Variants in DDX27 observed in about 807,000 individuals in gnomAD.
The protein encoded by DDX27 is DEAD-box helicase 27.
A neutral mutation model predicts 99.3 loss-of-function variants in DDX27; 42 were observed. The ratio of observed to expected loss-of-function variants is 0.42; its 90% CI spans 0.33 to 0.55. The LOEUF (loss-of-function observed/expected upper bound fraction) is 0.55. Ranked by LOEUF, DDX27 falls within the 20% of genes least tolerant of loss-of-function variation. DDX27 has a pLI of 0.07. For missense variants in DDX27, 798 were observed against 976.8 expected (o/e 0.82, Z 2.44); for synonymous variants, 329 against 353.8 (o/e 0.93, Z 0.79).
rs140726964 is a variant in DDX27, at chr20:49,234,020, G to A, written c.1273+311G>A. ...GATCGTTGCGCAGCCTCTTGCTCGA[G>A]CTCCCTGCTTCCACTCGGCCTTTTG... On this transcript the variant is annotated intron_variant, in intron 11 of 20. Coordinates refer to ENST00000618172, the MANE Select transcript of DDX27 (RefSeq NM_017895.8). The A allele has an allele frequency of 2.6e-5, 8 of 306,528 alleles. No homozygotes were observed. In the East Asian group the frequency reaches 3.7e-4, roughly 14 times the overall value. 19.0% of individuals were successfully genotyped at this position (306,528 alleles called of 1,614,324 possible). A position where few individuals can be genotyped will look rare whatever the true frequency, so the allele number is the denominator to read the frequency against.
Position 49,236,217 on chromosome 20 carries a change from G to A in DDX27, c.1495G>A (p.Glu499Lys). ...TGTGGCAGCCCGTGGACTTGACATTGAGGGGGTCAAAACGGTGAGCAGACA... is the reference window on the plus strand; with the variant it reads ...TGTGGCAGCCCGTGGACTTGACATTAAGGGGGTCAAAACGGTGAGCAGACA... ...TDVAARGLDI[E>K]GVKTVINFTM... is the part of the protein sequence containing the mutation. The change falls in exon 13 of 21, where the codon GAG becomes AAG. Residue 499 changes from glutamate (E) to lysine (K), a missense_variant. Glu to Lys is a moderately conservative substitution (Grantham distance 56). This residue lies in a region of DDX27 where 553 missense variants were observed against 727.9 expected (regional missense o/e 0.76). Transcript: ENST00000618172. The surrounding 1 kb of genome is among the most constrained non-coding windows in gnomAD (Gnocchi z 4.1). The A allele has an allele frequency of 6.2e-7, 1 of 1,610,376 alleles. No individual in the cohort carries two copies. The highest frequency in any genetic ancestry group is 8.5e-7 in the Non-Finnish European group (1 of 1,178,344).
intron 9 of DDX27, among the ~76,000 whole-genome samples, chr20:49,232,009 C>T (rs1040750157): frequency 6.6e-6 from 1 of 151,892 alleles, no homozygotes; most frequent in African/African-American, 2.4e-5. Flanking sequence ...CTCAGTCCCC[C>T]GACGTAGCTA....
intron 4 of DDX27, among the ~76,000 whole-genome samples, chr20:49,224,311 C>G (rs1979796544): frequency 1.3e-5 from 2 of 151,826 alleles, no homozygotes; most frequent in South Asian, 4.1e-4. Flanking sequence ...TTTGGGGTGA[C>G]ATACTCAGAT....
At chr20:49,225,301 A>G (rs1200804055) in intron 6 of DDX27, 102 bp downstream of exon 6, 5 of 990,656 alleles carry the variant, frequency 5.0e-6, no homozygotes, top group East Asian at 4.8e-5. Flanking sequence ...TCTTGCCTCA[A>G]CCTCCCAGAG....
At chr20:49,223,134 T>TCTGTGTGTTTG in intron 3 of DDX27, 118 bp downstream of exon 3, 1 of 1,352,244 alleles carries the variant, frequency 7.4e-7, no homozygotes, top group South Asian at 1.3e-5. Context: ...GGCGCACTCT[T>TCTGTGTGTTTG]CTGTGTGTTT....
intron 4 of DDX27, 175 bp from the exon 5 acceptor site, chr20:49,224,770 C>T: frequency 3.0e-6 from 2 of 657,146 alleles, no homozygotes; most frequent in East Asian, 2.7e-5. Flanking sequence ...TCTCTCTGAC[C>T]TTAGGCAAGT....
rs776759294 is a variant in DDX27 at position 49,219,561 on chromosome 20, C to A, written c.93+20C>A. Reference sequence around the variant, plus strand: ...GAGGAGGTATGAGCACGGTTCTGGTCTTTGGGTTTCCTTGACTGCTTCCCT... The same window carrying A: ...GAGGAGGTATGAGCACGGTTCTGGTATTTGGGTTTCCTTGACTGCTTCCCT... On this transcript the variant is annotated intron_variant, in intron 1 of 20. Coordinates refer to ENST00000618172, the MANE Select transcript of DDX27 (RefSeq NM_017895.8). The A allele has an allele frequency of 3.2e-6, 5 of 1,587,120 alleles. No individual in the cohort carries two copies. In the South Asian group the frequency reaches 5.6e-5, roughly 18 times the overall value.
Position 49,235,084 on chromosome 20 carries a change from C to G in DDX27, c.1423C>G (p.Leu475Val). 6.2e-7 allele frequency: 1 copy of G among 1,602,520 alleles called. No homozygotes were observed. The highest frequency in any genetic ancestry group is 1.3e-5 in the African/African-American group (1 of 74,770). Residue 475 changes from leucine (L) to valine (V), a missense_variant, in exon 12 of 21, where the codon CTC becomes GTC. Physicochemically the swap from Leu to Val is conservative, Grantham distance 32. Transcript: ENST00000618172. The stretch of plus-strand genomic sequence containing the variant: ...GTCACAGACGCAGCGGCTGGAGGCC[C>G]TCCGGTAACATTTGGGGTGGGGACT... ...NLSQTQRLEA[L>V]RRFKDEQIDI... is the part of the protein sequence containing the mutation.
At position 49,236,220 on chromosome 20, in the gene DDX27, G is replaced by T. The variant is rs755227950; in HGVS notation, c.1498G>T (p.Gly500Trp). ...GGCAGCCCGTGGACTTGACATTGAG[G>T]GGGTCAAAACGGTGAGCAGACACTA... Reference protein sequence around the residue: ...DVAARGLDIEGVKTVINFTMP... With the variant: ...DVAARGLDIEWVKTVINFTMP... The change falls in exon 13 of 21, where the codon GGG becomes TGG. Residue 500 changes from glycine (G) to tryptophan (W), a missense_variant. Coordinates refer to ENST00000618172, the MANE Select transcript of DDX27 (RefSeq NM_017895.8). This position sits in a 1 kb window ranked among gnomAD's most constrained non-coding sequence, Gnocchi z 4.1. 1 of 1,609,478 alleles carries T rather than the reference G, an allele frequency of 6.2e-7. No homozygotes were observed. Among genetic ancestry groups the T allele is most frequent in the Admixed American group, 1.7e-5 (1 of 58,968 alleles).
At chr20:49,239,587 T>C (rs1980411263) in intron 16 of DDX27, among the ~76,000 whole-genome samples, 1 of 152,190 alleles carries the variant, frequency 6.6e-6, no homozygotes, top group Non-Finnish European at 1.5e-5. Context: ...GAGAATCTAA[T>C]GCTGCTGCTG....
rs757770676 is a variant in DDX27, at chr20:49,234,944, C to T, written c.1283C>T (p.Thr428Met). The part of the protein sequence containing the change: ...DREAIVAALL[T>M]RTFTDHVMLF... The stretch of plus-strand genomic sequence containing the variant: ...CCTCTCTTCCTGCCAGCTTTGTTGA[C>T]GAGGACCTTCACTGACCATGTGATG... Residue 428 changes from threonine (T) to methionine (M), a missense_variant, in exon 12 of 21, where the codon ACG (threonine) becomes ATG (methionine). Transcript: ENST00000618172. 1.5e-5 allele frequency: 24 copies of T among 1,596,064 alleles called. 1 individual carries two copies. Among genetic ancestry groups the T allele is most frequent in the Middle Eastern group, 1.7e-4 (1 of 5,998 alleles).
At chr20:49,223,205 G>C in intron 3 of DDX27, 63 bp from the exon 4 acceptor site, 1 of 1,538,268 alleles carries the variant, frequency 6.5e-7, no homozygotes. Flanking sequence ...GCTTCCTATC[G>C]CTCTACTTAG....
chr20:49,238,788 TTTG>T, intron 14 of DDX27, 158 bp from the exon 15 acceptor site: 43 of 253,248 alleles, frequency 1.7e-4, no homozygotes, highest in Middle Eastern at 1.1e-3. Flanking sequence ...TTTTTTTTTT[TTTG>T]TAGAGACAGA....
Position 49,223,031 on chromosome 20 carries a change from G to A in DDX27, c.300+15G>A, listed in dbSNP as rs187861096. 6.4e-5 allele frequency: 103 copies of A among 1,610,682 alleles called. 1 individual carries two copies. The highest frequency in any genetic ancestry group is 5.5e-4 in the Admixed American group (33 of 59,514). On this transcript the variant is annotated intron_variant, in intron 3 of 20. Coordinates refer to ENST00000618172, the MANE Select transcript of DDX27 (RefSeq NM_017895.8). ...GGAAAACAGAGGTGAGAAGAAAAGT[G>A]GCTATTTTTCGTTGTTAGGGCCCAC...
intron 9 of DDX27, among the ~76,000 whole-genome samples, chr20:49,232,178 T>G (rs761499): frequency 0.69 from 104,711 of 151,850 alleles, 36,910 homozygotes; most frequent in Non-Finnish European, 0.78. Flanking sequence ...TGAGCCACCT[T>G]GCCCGGCCCC....
rs376434815 is a variant in DDX27 at position 49,223,042 on chromosome 20, G to A, written c.300+26G>A. 2.9e-5 allele frequency: 46 copies of A among 1,601,500 alleles called. No individual in the cohort carries two copies. In the Admixed American group the frequency reaches 3.9e-4, roughly 14 times the overall value. On this transcript the variant is annotated intron_variant, in intron 3 of 20. Transcript: ENST00000618172. ...GTGAGAAGAAAAGTGGCTATTTTTC[G>A]TTGTTAGGGCCCACTCTTTACTCTC...
chr20:49,233,310 C>G lies in DDX27; in HGVS notation c.1036C>G (p.Leu346Val). 1 of 1,613,390 alleles carries G rather than the reference C, an allele frequency of 6.2e-7. No homozygotes were observed. ...VLILDEADRM[L>V]DEYFEEQMKE... Reference sequence around the variant, plus strand: ...CATGTCTTTCTCTGCTCCCAGGATGCTGGATGAGTACTTTGAGGAGCAGAT... The same window carrying G: ...CATGTCTTTCTCTGCTCCCAGGATGGTGGATGAGTACTTTGAGGAGCAGAT... The change falls in exon 10 of 21, where the codon CTG (leucine) becomes GTG (valine). Residue 346 changes from leucine to valine, a missense_variant. Physicochemically the swap from Leu to Val is conservative, Grantham distance 32. Coordinates refer to ENST00000618172, the MANE Select transcript of DDX27 (RefSeq NM_017895.8).
intron 1 of DDX27, among the ~76,000 whole-genome samples, chr20:49,220,816 A>G (rs1979636438): frequency 6.6e-6 from 1 of 151,490 alleles, no homozygotes; most frequent in African/African-American, 2.4e-5. Flanking sequence ...GAAATGATTC[A>G]AATTGCTAAA....
chr20:49,224,939 C>G lies in DDX27; in HGVS notation c.467-6C>G. ...CCGTGGTCATCAGCTAAGTTTTTCT[C>G]CATAGATACACTCAAAGTAAAGGAT... On this transcript the variant is annotated splice_region_variant and splice_polypyrimidine_tract_variant and intron_variant, in intron 4 of 20. Coordinates refer to ENST00000618172, the MANE Select transcript of DDX27 (RefSeq NM_017895.8). The G allele has an allele frequency of 1.9e-6, 3 of 1,614,082 alleles. No individual in the cohort carries two copies. The highest frequency in any genetic ancestry group is 2.5e-6 in the Non-Finnish European group (3 of 1,180,006).
Sources: allele counts gnomAD v4.1 joint callset (sites outside exome capture counted in the v4.1 genomes callset), GRCh38; gene constraint gnomAD v4.1.1; regional missense constraint gnomAD v4.1.1; non-coding constraint Gnocchi (gnomAD v3.1); transcripts MANE v1.5; gene names NCBI Gene and HGNC (gene_info 2026-07-23, HGNC 2026-07-21).